The following KLF12 variants were observed in gnomAD, a reference collection of about 807,000 sequenced individuals.
KLF12 encodes Krueppel-like factor 12.
A neutral mutation model predicts 37.8 loss-of-function variants in KLF12; 9 were observed. The ratio of observed to expected loss-of-function variants is 0.24; its 90% CI spans 0.14 to 0.42. The LOEUF (loss-of-function observed/expected upper bound fraction) is 0.42. KLF12 is among the 10% of genes least tolerant of loss of function. The pLI is 1.00. For missense variants in KLF12, 411 were observed against 516.0 expected (o/e 0.80, Z 1.97); for synonymous variants, 208 against 202.1 (o/e 1.03, Z -0.25).
At chr13:73,940,526 C>G (rs751861302) in intron 3 of KLF12, among the ~76,000 whole-genome samples, 5 of 151,988 alleles carry the variant, frequency 3.3e-5, no homozygotes, top group Non-Finnish European at 4.4e-5. Flanking sequence ...AATGAGAATG[C>G]GTATTTCCAA....
the KLF12 span, among the ~76,000 whole-genome samples, chr13:74,260,382 A>G: frequency 6.6e-6 from 1 of 151,714 alleles, no homozygotes; most frequent in African/African-American, 2.4e-5. Context: ...CTAGCAAGAC[A>G]CTATTTCTCC....
chr13:74,183,414 T>G, the KLF12 span, among the ~76,000 whole-genome samples: 1 of 152,122 alleles, frequency 6.6e-6, no homozygotes, highest in East Asian at 1.9e-4. Context: ...AAAATATTTC[T>G]CCTTTCCAAA....
intron 3 of KLF12, among the ~76,000 whole-genome samples, chr13:73,913,621 G>A (rs937991315): frequency 6.6e-6 from 1 of 152,184 alleles, no homozygotes; most frequent in African/African-American, 2.4e-5. Flanking sequence ...GAACTGGACT[G>A]GATGGGCTAA....
At chr13:74,041,885 T>C (rs1408164642) in intron 1 of KLF12, among the ~76,000 whole-genome samples, 3 of 152,196 alleles carry the variant, frequency 2.0e-5, no homozygotes, top group South Asian at 4.1e-4. Flanking sequence ...CTTAATTTCA[T>C]CTACAAAATG....
the KLF12 span, among the ~76,000 whole-genome samples, chr13:74,213,672 A>G: frequency 8.0e-6 from 1 of 125,420 alleles, no homozygotes; most frequent in Non-Finnish European, 1.6e-5. Context: ...TTTAATTTTC[A>G]TTCTATTTGA....
chr13:74,134,403 G>A (rs534357322), upstream of KLF12, among the ~76,000 whole-genome samples: 4 of 152,106 alleles, frequency 2.6e-5, no homozygotes, highest in Admixed American at 2.0e-4. Context: ...GGCTCTGAGT[G>A]TGATGGTTGA....
the KLF12 span, among the ~76,000 whole-genome samples, chr13:74,281,649 A>G: frequency 0.056 from 8,550 of 152,272 alleles, 801 homozygotes; most frequent in African/African-American, 0.19. Flanking sequence ...AAGGCTATAG[A>G]ATGAATAACA....
At position 73,954,135 on chromosome 13, in the gene KLF12, C is replaced by T. The variant is rs561134267; in HGVS notation, c.34-10065G>A. ...CTGGGACTACAGGCACCCGCCACCA[C>T]GCCTGGCTAATTTTTTGTATTTTTA... On this transcript the variant is annotated intron_variant, in intron 2 of 7. Coordinates refer to ENST00000377669, the MANE Select transcript of KLF12 (RefSeq NM_007249.5). Among the ~76,000 whole-genome samples the T allele has an allele frequency of 6.1e-4, 93 of 151,906 alleles. 1 individual carries two copies. The highest frequency in any genetic ancestry group is 1.9e-3 in the African/African-American group (79 of 41,448).
rs148097744 is a variant in KLF12 at position 73,811,824 on chromosome 13, T to C, written c.806+1328A>G. ...TGTATATTCATATACAATATCAACA[T>C]ATAATACAAATTATCTCTATAACAT... On this transcript the variant is annotated intron_variant, in intron 5 of 7. Transcript: ENST00000377669. Among the ~76,000 whole-genome samples, 106 of 152,354 alleles carry C rather than the reference T, an allele frequency of 7.0e-4. No homozygotes were observed. In the East Asian group the frequency reaches 0.019, roughly 28 times the overall value.
intron 2 of KLF12, among the ~76,000 whole-genome samples, chr13:73,951,887 C>A (rs746587855): frequency 5.3e-5 from 8 of 152,316 alleles, no homozygotes; most frequent in Non-Finnish European, 1.2e-4. Context: ...ACAGAGAGTT[C>A]TCTTTTTGTT....
intron 2 of KLF12, among the ~76,000 whole-genome samples, chr13:73,985,230 T>A (rs181478416): frequency 3.9e-4 from 60 of 152,316 alleles, no homozygotes; most frequent in Non-Finnish European, 7.6e-4. Flanking sequence ...CACCAAGTCC[T>A]ACCCAAGTAG....
At chr13:73,732,342 G>A (rs7338570) in intron 6 of KLF12, among the ~76,000 whole-genome samples, 88,045 of 151,658 alleles carry the variant, frequency 0.58, 26,877 homozygotes, top group East Asian at 0.74. Flanking sequence ...CATCCACCTC[G>A]GCCCCCCAAA....
At chr13:73,795,122 C>T (rs535672124) in intron 5 of KLF12, among the ~76,000 whole-genome samples, 17 of 152,240 alleles carry the variant, frequency 1.1e-4, no homozygotes, top group African/African-American at 4.1e-4. Flanking sequence ...AGAATTGGGA[C>T]GACATATGAG....
the KLF12 span, among the ~76,000 whole-genome samples, chr13:74,173,292 T>C: frequency 6.6e-6 from 1 of 152,188 alleles, no homozygotes; most frequent in Non-Finnish European, 1.5e-5. Flanking sequence ...AGTTCTAGTC[T>C]CAGGAATAGT....
chr13:73,872,474 G>A (rs73216789), intron 3 of KLF12, among the ~76,000 whole-genome samples: 4,327 of 152,280 alleles, frequency 0.028, 90 homozygotes, highest in South Asian at 0.064. Context: ...AATGTAAGGT[G>A]GGTGACCCCT....
chr13:73,881,168 G>C (rs1015204464), intron 3 of KLF12, among the ~76,000 whole-genome samples: 9 of 151,950 alleles, frequency 5.9e-5, no homozygotes, highest in Non-Finnish European at 1.5e-5. Flanking sequence ...ATTTTTATAA[G>C]TCATATATAT....
intron 1 of KLF12, among the ~76,000 whole-genome samples, chr13:74,042,456 T>C (rs368799146): frequency 3.5e-4 from 53 of 152,316 alleles, no homozygotes; most frequent in African/African-American, 1.2e-3. Flanking sequence ...TAACACTCCA[T>C]GTTTTTACCG....
chr13:73,715,513 T>C lies in KLF12; in HGVS notation c.882A>G (p.Pro294=), dbSNP rs142106803. The change falls in exon 7 of 8, where the codon CCA becomes CCG. Residue 294 remains proline (P), a synonymous_variant. Coordinates refer to ENST00000377669, the MANE Select transcript of KLF12 (RefSeq NM_007249.5). ...GGCGTCTTGTGCTCTCAATACTAAA[T>C]GGTGAAATTGAACTGGAAAAAGAAA... The C allele has an allele frequency of 1.6e-5, 26 of 1,613,318 alleles. No homozygotes were observed. The highest frequency in any genetic ancestry group is 2.0e-5 in the Non-Finnish European group (24 of 1,179,792).
intron 3 of KLF12, among the ~76,000 whole-genome samples, chr13:73,881,493 G>T (rs1049332839): frequency 3.3e-5 from 5 of 151,828 alleles, no homozygotes; most frequent in African/African-American, 1.2e-4. Context: ...CAAATGGCAT[G>T]ATTTAGTTAT....
Sources: allele counts gnomAD v4.1 joint callset (sites outside exome capture counted in the v4.1 genomes callset), GRCh38; gene constraint gnomAD v4.1.1; transcripts MANE v1.5; gene names NCBI Gene and HGNC (gene_info 2026-07-23, HGNC 2026-07-21).